Variants in CHD4 observed in about 807,000 individuals in gnomAD.
CHD4 encodes ATP-dependent chromatin remodeler CHD4.
In CHD4, 35 loss-of-function variants were observed where a neutral mutation model predicts 235.5. The observed-to-expected ratio is 0.15, with a 90% CI of 0.11 to 0.20. CHD4 has a LOEUF of 0.20. Ranked by LOEUF, CHD4 falls within the 10% of genes least tolerant of loss-of-function variation. The pLI is 1.00. For synonymous variants in CHD4, 900 were observed against 850.2 expected, an observed-to-expected ratio of 1.06 and a Z score of -1.02; for missense variants, 1,329 against 2,432.3, an observed-to-expected ratio of 0.55 and a Z score of 9.54.
chr12:6,594,395 T>C (rs1205021064), intron 15 of CHD4, 64 bp downstream of exon 15: 2 of 1,459,530 alleles, frequency 1.4e-6, no homozygotes, highest in East Asian at 2.3e-5. Flanking sequence ...CTCTACTCAG[T>C]GTAAGTTAAG....
Position 6,598,405 on chromosome 12 carries a change from T to C in CHD4, c.1503A>G (p.Lys501=). 1 of 1,609,930 alleles carries C rather than the reference T, an allele frequency of 6.2e-7. No homozygotes were observed. Among genetic ancestry groups the C allele is most frequent in the Non-Finnish European group, 8.5e-7 (1 of 1,177,604 alleles). ...PRCTCPALKG[K]VQKILIWKWG... Reference sequence around the variant, plus strand: ...ACTTCCAGATTAGGATCTTCTGCACTTTGCCCTTCAGAGCTGGACACTGAG... The same window carrying C: ...ACTTCCAGATTAGGATCTTCTGCACCTTGCCCTTCAGAGCTGGACACTGAG... The change falls in exon 11 of 40, where the codon AAA becomes AAG. Residue 501 remains lysine (K), a synonymous_variant. Transcript: ENST00000544040.
chr12:6,582,649 T>C lies in CHD4; in HGVS notation c.4336A>G (p.Arg1446Gly). Residue 1446 changes from arginine to glycine, a missense_variant, in exon 29 of 40, where the codon AGA becomes GGA. By Grantham distance (125) the Arg-to-Gly change is moderately radical. Around this residue, in one of 26 missense-constraint regions of CHD4, gnomAD observed 48 missense variants for 109.6 expected, o/e 0.44. Transcript: ENST00000544040. ...TTCTCTGATTTGCCTCGCAGGTCTC[T>C]TACAAGCCACTGGGTAGTAAAAGCA... Reference protein sequence around the residue: ...QDAFTTQWLVRDLRGKSEKEF... With the variant: ...QDAFTTQWLVGDLRGKSEKEF... 1 of 1,614,002 alleles carries C rather than the reference T, an allele frequency of 6.2e-7. No individual in the cohort carries two copies. The highest frequency in any genetic ancestry group is 8.5e-7 in the Non-Finnish European group (1 of 1,179,944).
At chr12:6,585,193 C>T (rs556713473) in intron 25 of CHD4, among the ~76,000 whole-genome samples, 1 of 152,240 alleles carries the variant, frequency 6.6e-6, no homozygotes, top group South Asian at 2.1e-4. Context: ...GAGAGAAAAA[C>T]ATTAAAACAA....
chr12:6,591,345 C>T, intron 22 of CHD4, 121 bp downstream of exon 22: 1 of 745,682 alleles, frequency 1.3e-6, no homozygotes, highest in Non-Finnish European at 2.2e-6. Context: ...AAAAGCTTTA[C>T]TCCATCTCAA....
At chr12:6,574,476 GTTC>G (rs755360441) in intron 37 of CHD4, among the ~76,000 whole-genome samples, 4 of 152,100 alleles carry the variant, frequency 2.6e-5, no homozygotes, top group Non-Finnish European at 5.9e-5. Context: ...CAGAATGTTG[GTTC>G]TTAATTTATG....
chr12:6,602,210 CACACACATGCT>C (rs757035470), intron 3 of CHD4, 35 bp from the exon 4 acceptor site: 34 of 1,609,534 alleles, frequency 2.1e-5, no homozygotes, highest in South Asian at 1.9e-4. Context: ...GGGAGACAGA[CACACACATGCT>C]ACACACATGC....
At position 6,582,981 on chromosome 12, in the gene CHD4, A is replaced by C. The variant is rs767731451; in HGVS notation, c.4148-45T>G. ...AATGAGTGACACAGGTAGGATATTA[A>C]ACAAAGCAACATTTAGAAAAGCAAC... On this transcript the variant is annotated intron_variant, in intron 27 of 39. Transcript: ENST00000544040. 5 of 1,600,220 alleles carry C rather than the reference A, an allele frequency of 3.1e-6. No homozygotes were observed. The South Asian group carries it at 5.6e-5, about 18-fold the overall frequency.
intron 22 of CHD4, among the ~76,000 whole-genome samples, 165 bp from the exon 23 acceptor site, chr12:6,588,587 G>C (rs1948341062): frequency 6.6e-6 from 1 of 152,150 alleles, no homozygotes; most frequent in Admixed American, 6.6e-5. Flanking sequence ...AGACCAGCCT[G>C]GCCAACACGG....
rs1485434659 is a variant in CHD4, at chr12:6,600,627, C to A, written c.970G>T (p.Ala324Ser). The A allele has an allele frequency of 6.2e-7, 1 of 1,613,996 alleles. No homozygotes were observed. The highest frequency in any genetic ancestry group is 8.5e-7 in the Non-Finnish European group (1 of 1,180,024). Residue 324 changes from alanine to serine, a missense_variant, in exon 8 of 40, where the codon GCC (alanine) becomes TCC (serine). Physicochemically the swap from Ala to Ser is moderately conservative, Grantham distance 99 (BLOSUM62 1). This residue lies in a region of CHD4 where 160 missense variants were observed against 196.6 expected (regional missense o/e 0.81). Transcript: ENST00000544040. ...GAAACAGAATAGCTATTGATACTGG[C>A]ATCATCGAAGTCAGATTCCACATCT... Reference protein sequence around the residue: ...DLDVESDFDDASINSYSVSDG... With the variant: ...DLDVESDFDDSSINSYSVSDG...
Position 6,570,340 on chromosome 12 carries a change from A to T in CHD4, c.*336T>A, listed in dbSNP as rs1947940582. 3 of 348,148 alleles carry T rather than the reference A, an allele frequency of 8.6e-6. No homozygotes were observed. In the South Asian group the frequency reaches 2.1e-4, roughly 24 times the overall value. 21.6% of individuals were successfully genotyped at this position (348,148 alleles called of 1,614,324 possible). A position where few individuals can be genotyped will look rare whatever the true frequency, so the allele number is the denominator to read the frequency against. ...AAACCAACAAAATAAAACCAAAAGG[A>T]GGAAAAAATTCAGATCATTTTCTTC... is the stretch of plus-strand genomic sequence containing the variant. On this transcript the variant is annotated 3_prime_UTR_variant, in exon 40 of 40. Transcript: ENST00000544040.
chr12:6,583,002 G>T, intron 27 of CHD4, 25 bp downstream of exon 27: 1 of 1,585,564 alleles, frequency 6.3e-7, no homozygotes, highest in African/African-American at 1.4e-5. Flanking sequence ...ATTTAGAAAA[G>T]CAACAAAAAA....
chr12:6,593,055 A>C lies in CHD4; in HGVS notation c.2652+36T>G. On this transcript the variant is annotated intron_variant, in intron 17 of 39. Transcript: ENST00000544040. The surrounding 1 kb of genome is among the most constrained non-coding windows in gnomAD (Gnocchi z 4.9). The stretch of plus-strand genomic sequence containing the variant: ...AATTGGTAGTACTAGAAAAAACCCA[A>C]AGTGGGGGCTCCAACATCCCTCCCT... 1 of 1,609,264 alleles carries C rather than the reference A, an allele frequency of 6.2e-7. No individual in the cohort carries two copies. Among genetic ancestry groups the C allele is most frequent in the Non-Finnish European group, 8.5e-7 (1 of 1,178,326 alleles).
chr12:6,581,578 G>T, intron 31 of CHD4, 71 bp downstream of exon 31: 1 of 1,596,538 alleles, frequency 6.3e-7, no homozygotes, highest in Non-Finnish European at 8.6e-7. Context: ...TTAGAACTGA[G>T]CACAGGGGAG....
At chr12:6,584,166 C>T (rs1948241801) in intron 25 of CHD4, 1 of 151,988 alleles carries the variant, frequency 6.6e-6, no homozygotes, top group Admixed American at 6.6e-5. Flanking sequence ...TATTCCCTAA[C>T]CAATGTAGCA....
rs375870161 is a variant in CHD4 at position 6,598,960 on chromosome 12, T to C, written c.1483-535A>G. 5.9e-5 allele frequency among the ~76,000 whole-genome samples: 9 copies of C among 152,382 alleles called. No homozygotes were observed. The East Asian group carries it at 1.2e-3, about 20-fold the overall frequency. On this transcript the variant is annotated intron_variant, in intron 10 of 39. Coordinates refer to ENST00000544040, the MANE Select transcript of CHD4 (RefSeq NM_001273.5). ...TTGGATTAGGGTGCTCAACCTGTAATAGAATTCCCTCTCCATTTCTGGACA... is the reference window on the plus strand; with the variant it reads ...TTGGATTAGGGTGCTCAACCTGTAACAGAATTCCCTCTCCATTTCTGGACA...
Position 6,598,377 on chromosome 12 carries a change from C to A in CHD4, c.1531G>T (p.Gly511Cys). The change falls in exon 11 of 40, where the codon GGT (glycine) becomes TGT (cysteine). Residue 511 changes from glycine to cysteine, a missense_variant. Physicochemically the swap from Gly to Cys is radical, Grantham distance 159 (BLOSUM62 -3). Around this residue, in one of 26 missense-constraint regions of CHD4, gnomAD observed 45 missense variants for 47.5 expected, o/e 0.95. Coordinates refer to ENST00000544040, the MANE Select transcript of CHD4 (RefSeq NM_001273.5). The part of the protein sequence containing the change: ...KVQKILIWKW[G>C]QPPSPTPVPR... ...ACTGGTGTGGGAGATGGTGGCTGAC[C>A]CCACTTCCAGATTAGGATCTTCTGC... The A allele has an allele frequency of 1.2e-6, 2 of 1,613,630 alleles. No individual in the cohort carries two copies. The highest frequency in any genetic ancestry group is 1.7e-6 in the Non-Finnish European group (2 of 1,179,728).
At chr12:6,588,543 A>G in intron 22 of CHD4, 121 bp from the exon 23 acceptor site, 2 of 1,061,044 alleles carry the variant, frequency 1.9e-6, no homozygotes, top group African/African-American at 1.6e-5. Flanking sequence ...TTTGGGAGGC[A>G]GAGACAGGTG....
chr12:6,583,527 G>T (rs150432752), intron 25 of CHD4, 149 bp from the exon 26 acceptor site: 2 of 662,754 alleles, frequency 3.0e-6, no homozygotes, highest in East Asian at 2.6e-5. Flanking sequence ...GAACTTAGAA[G>T]AAATTTGATT....
chr12:6,586,421 T>G (rs1282858036), intron 25 of CHD4, among the ~76,000 whole-genome samples: 1 of 151,166 alleles, frequency 6.6e-6, no homozygotes, highest in Non-Finnish European at 1.5e-5. Context: ...AATAAATACA[T>G]ACATACATAC....
Sources: gnomAD v4.1 joint callset for allele counts (sites outside exome capture counted in the v4.1 genomes callset) on GRCh38, gnomAD v4.1.1 for gene constraint, gnomAD v4.1.1 regional missense constraint, Gnocchi (gnomAD v3.1) non-coding constraint, MANE v1.5 for transcripts, NCBI Gene and HGNC (gene_info 2026-07-23, HGNC 2026-07-21) for gene names.